Variants in ITPR2 observed in about 807,000 individuals in gnomAD.
ITPR2 encodes inositol 1,4,5-trisphosphate receptor type 2.
Under a neutral mutation model 317.1 loss-of-function variants are expected in ITPR2, and 207 were observed. The observed-to-expected ratio is 0.65, with a 90% CI of 0.58 to 0.73. The LOEUF (loss-of-function observed/expected upper bound fraction) is 0.73, where lower values mean the gene tolerates loss of function less well. ITPR2 is among the 30% of genes least tolerant of loss of function. The probability of loss-of-function intolerance (pLI) is 0.00; values close to 1 mark genes in which losing one functional copy is unlikely to be tolerated. For missense variants in ITPR2, 2,613 were observed against 3,284.0 expected (o/e 0.80, Z 4.99); for synonymous variants, 1,156 against 1,149.1 (o/e 1.01, Z -0.12).
intron 52 of ITPR2, among the ~76,000 whole-genome samples, chr12:26,402,233 G>A (rs887980090): frequency 6.6e-6 from 1 of 152,176 alleles, no homozygotes; most frequent in Non-Finnish European, 1.5e-5. Context: ...AGAGCAAAAG[G>A]GGCTTTTAAG....
chr12:26,567,988 A>ATAT lies in ITPR2; in HGVS notation c.4631-6039_4631-6037dup, dbSNP rs1303925794. 3.6e-4 allele frequency among the ~76,000 whole-genome samples: 40 copies of ATAT among 111,858 alleles called. 2 individuals are homozygous for ATAT. The highest frequency in any genetic ancestry group is 1.5e-3 in the African/African-American group (38 of 25,958). The allele number at this position is 111,858 out of a possible 152,430, so 73.4% of individuals were successfully genotyped here. A position where few individuals can be genotyped will look rare whatever the true frequency, so the allele number is the denominator to read the frequency against. On this transcript the variant is annotated intron_variant, in intron 34 of 56. Transcript: ENST00000381340. ...TATATATTATATATATTATATATAT[A>ATAT]TATATATATTATATATATTATATAT...
At chr12:26,426,981 G>T (rs1003404334) in intron 49 of ITPR2, among the ~76,000 whole-genome samples, 13 of 151,520 alleles carry the variant, frequency 8.6e-5, no homozygotes, top group African/African-American at 3.1e-4. Context: ...AAAGATAATT[G>T]TTCACTCATT....
intron 54 of ITPR2, among the ~76,000 whole-genome samples, chr12:26,393,870 T>C (rs1939918113): frequency 6.6e-6 from 1 of 152,200 alleles, no homozygotes; most frequent in African/African-American, 2.4e-5. Flanking sequence ...GTATATACAA[T>C]CTCAATATTT....
intron 45 of ITPR2, among the ~76,000 whole-genome samples, chr12:26,474,068 G>A (rs573785135): frequency 3.3e-5 from 5 of 152,316 alleles, no homozygotes; most frequent in East Asian, 1.9e-4. Context: ...TTCCTGGAAG[G>A]TTTTGGAAAA....
chr12:26,569,411 G>A lies in ITPR2; in HGVS notation c.4631-7459C>T, dbSNP rs373453069. ...ATACAAAAAAATACAAAAATTAGCC[G>A]GGTGTGGCAGCACGTGCCTATAGTC... is the stretch of plus-strand genomic sequence containing the variant. On this transcript the variant is annotated intron_variant, in intron 34 of 56. Coordinates refer to ENST00000381340, the MANE Select transcript of ITPR2 (RefSeq NM_002223.4). Among the ~76,000 whole-genome samples, 11 of 151,834 alleles carry A rather than the reference G, an allele frequency of 7.2e-5. 1 individual carries two copies. Among genetic ancestry groups the A allele is most frequent in the African/African-American group, 2.2e-4 (9 of 41,418 alleles).
At chr12:26,626,285 T>C (rs1946623787) in intron 23 of ITPR2, among the ~76,000 whole-genome samples, 2 of 152,212 alleles carry the variant, frequency 1.3e-5, no homozygotes, top group South Asian at 4.1e-4. Flanking sequence ...GTTTAAATGA[T>C]AAAATACACC....
chr12:26,400,156 C>T lies in ITPR2; in HGVS notation c.7502G>A (p.Gly2501Glu). Residue 2501 changes from glycine (G) to glutamate (E), a missense_variant, in exon 53 of 57, where the codon GGG (glycine) becomes GAG (glutamate). Gly to Glu is a moderately conservative substitution (Grantham distance 98, BLOSUM62 -2). This residue lies in a region of ITPR2 where 113 missense variants were observed against 129.2 expected (regional missense o/e 0.87). Transcript: ENST00000381340. ...TTTCGATGGCCTTCTTAGCACATCC[C>T]CCACACCACCGCCATTCCTGAGGCC... ...NQGLRNGGGVGDVLRRPSKDE... is the reference protein window; with the variant it reads ...NQGLRNGGGVEDVLRRPSKDE... 2 of 1,611,732 alleles carry T rather than the reference C, an allele frequency of 1.2e-6. No homozygotes were observed. The highest frequency in any genetic ancestry group is 1.1e-5 in the South Asian group (1 of 90,714).
intron 35 of ITPR2, among the ~76,000 whole-genome samples, chr12:26,560,828 T>G (rs919342431): frequency 6.6e-6 from 1 of 152,184 alleles, no homozygotes; most frequent in Non-Finnish European, 1.5e-5. Flanking sequence ...ACATGTTACC[T>G]CTCATAATAT....
At chr12:26,431,706 A>C (rs1941213296) in intron 48 of ITPR2, among the ~76,000 whole-genome samples, 1 of 152,132 alleles carries the variant, frequency 6.6e-6, no homozygotes. Context: ...GTACCCCACT[A>C]CCTGGTTGAA....
chr12:26,593,948 T>C (rs1591940510), intron 32 of ITPR2, among the ~76,000 whole-genome samples: 1 of 152,216 alleles, frequency 6.6e-6, no homozygotes, highest in South Asian at 2.1e-4. Flanking sequence ...CTTTAGTCAG[T>C]AGCACTGTGC....
At chr12:26,731,472 G>A (rs1251930282) in intron 2 of ITPR2, among the ~76,000 whole-genome samples, 1 of 152,160 alleles carries the variant, frequency 6.6e-6, no homozygotes, top group Non-Finnish European at 1.5e-5. Flanking sequence ...AGGATAAGGG[G>A]CAGGCAGACA....
At chr12:26,545,168 C>A (rs1428518657) in intron 37 of ITPR2, among the ~76,000 whole-genome samples, 1 of 152,150 alleles carries the variant, frequency 6.6e-6, no homozygotes, top group Non-Finnish European at 1.5e-5. Context: ...CAAAGATGCA[C>A]ATGTCCTCAT....
At chr12:26,403,281 C>T (rs145054737) in intron 52 of ITPR2, among the ~76,000 whole-genome samples, 181 of 152,166 alleles carry the variant, frequency 1.2e-3, no homozygotes, top group African/African-American at 4.1e-3. Context: ...AGAGAAGAAA[C>T]GCAAGAGGGT....
rs1406226752 is a variant in ITPR2, at chr12:26,486,265, C to G, written c.5650G>C (p.Glu1884Gln). Residue 1884 changes from glutamate to glutamine, a missense_variant, in exon 41 of 57, where the codon GAA becomes CAA. Glu to Gln is a conservative substitution (Grantham distance 29, BLOSUM62 2). Around this residue, in one of 9 missense-constraint regions of ITPR2, gnomAD observed 926 missense variants for 1,072.8 expected, o/e 0.86. Transcript: ENST00000381340. ...TSKAYCVYRREMDPEIDIMCT... is the reference protein window; with the variant it reads ...TSKAYCVYRRQMDPEIDIMCT... The stretch of plus-strand genomic sequence containing the variant: ...ATAATGTCTATTTCTGGATCCATTT[C>G]TCTTCTGTATACACAATATGCTTTG... The G allele has an allele frequency of 3.7e-6, 6 of 1,614,146 alleles. No individual in the cohort carries two copies. The East Asian group carries it at 8.9e-5, about 24-fold the overall frequency.
At position 26,624,176 on chromosome 12, in the gene ITPR2, T is replaced by C. The variant is rs1404066317; in HGVS notation, c.3122+123A>G. The stretch of plus-strand genomic sequence containing the variant: ...GCAGCTTCATTTCTGGCAGAAATTA[T>C]GTTAGCAACAATAGAGGGTCTAAAA... On this transcript the variant is annotated intron_variant, in intron 24 of 56. Transcript: ENST00000381340. 4.5e-6 allele frequency: 3 copies of C among 659,690 alleles called. No homozygotes were observed. The African/African-American group carries it at 5.8e-5, about 13-fold the overall frequency. 40.9% of individuals were successfully genotyped at this position (659,690 alleles called of 1,614,324 possible).
intron 21 of ITPR2, among the ~76,000 whole-genome samples, chr12:26,638,865 G>A (rs1946918232): frequency 6.6e-6 from 1 of 152,040 alleles, no homozygotes; most frequent in South Asian, 2.1e-4. Flanking sequence ...ACATGCTTAG[G>A]GCCAAAGAAA....
chr12:26,552,208 A>G (rs1289462256), intron 36 of ITPR2, among the ~76,000 whole-genome samples: 1 of 152,006 alleles, frequency 6.6e-6, no homozygotes, highest in African/African-American at 2.4e-5. Flanking sequence ...TAATTTATTT[A>G]ATGAGACAGG....
At chr12:26,691,069 T>G (rs1948230954) in intron 10 of ITPR2, among the ~76,000 whole-genome samples, 1 of 152,236 alleles carries the variant, frequency 6.6e-6, no homozygotes, top group African/African-American at 2.4e-5. Flanking sequence ...TTCACTCTTT[T>G]GCACTCTGTT....
chr12:26,681,406 G>A (rs1368177363), intron 13 of ITPR2, among the ~76,000 whole-genome samples: 1 of 151,916 alleles, frequency 6.6e-6, no homozygotes, highest in Non-Finnish European at 1.5e-5. Context: ...TCTGAACAAG[G>A]TATGAGGGCA....
Sources: gnomAD v4.1 joint callset for allele counts (sites outside exome capture counted in the v4.1 genomes callset) on GRCh38, gnomAD v4.1.1 for gene constraint, gnomAD v4.1.1 regional missense constraint, MANE v1.5 for transcripts, NCBI Gene and HGNC (gene_info 2026-07-23, HGNC 2026-07-21) for gene names.